The following CDH24 variants were observed in gnomAD, a reference collection of about 807,000 sequenced individuals.
The protein encoded by CDH24 is cadherin 24, also known as cadherin-24.
In CDH24, 61 loss-of-function variants were observed where a neutral mutation model predicts 71.2. The ratio of observed to expected loss-of-function variants is 0.86; its 90% confidence interval spans 0.70 to 1.06. The LOEUF (loss-of-function observed/expected upper bound fraction) is 1.06, where lower values mean the gene tolerates loss of function less well. Ranked by LOEUF, CDH24 falls within the 50% of genes least tolerant of loss-of-function variation. The pLI, the probability that CDH24 is intolerant of heterozygous loss-of-function variation, is 0.00. For synonymous variants in CDH24, 440 were observed against 470.2 expected, an observed-to-expected ratio of 0.94 and a Z score of 0.83; for missense variants, 961 against 1,083.7, an observed-to-expected ratio of 0.89 and a Z score of 1.59.
rs1417830536 is a variant in CDH24, at chr14:23,051,783, G to A, written c.1363+690C>T. Among the ~76,000 whole-genome samples the A allele has an allele frequency of 6.6e-6, 1 of 152,222 alleles. No homozygotes were observed. Among genetic ancestry groups the A allele is most frequent in the Non-Finnish European group, 1.5e-5 (1 of 68,034 alleles). On this transcript the variant is annotated intron_variant, in intron 8 of 12. Coordinates refer to ENST00000487137, the MANE Select transcript of CDH24 (RefSeq NM_144985.4). The surrounding 1 kb of genome is among the most constrained non-coding windows in gnomAD (Gnocchi z 4.4). The stretch of plus-strand genomic sequence containing the variant: ...ATATGCAGTATGAAGACAAAAGGGT[G>A]GAGGAGCCCCTGAGGCATAAGCAGG...
At position 23,054,151 on chromosome 14, in the gene CDH24, G is replaced by T. The variant is rs1413716429; in HGVS notation, c.962C>A (p.Thr321Asn). 5 of 1,598,620 alleles carry T rather than the reference G, an allele frequency of 3.1e-6. No individual in the cohort carries two copies. In the African/African-American group the frequency reaches 6.7e-5, roughly 21 times the overall value. The part of the protein sequence containing the change: ...TDLQGRDGLL[T>N]VRKPLDFESQ... ...AGGCAGGAGGCTAACCTTGCGGACA[G>T]TGAGGAGCCCGTCTCGACCCTGCAA... Residue 321 changes from threonine to asparagine, a missense_variant, in exon 6 of 13, where the codon ACT (threonine) becomes AAT (asparagine). This residue lies in a region of CDH24 where 671 missense variants were observed against 810.9 expected (regional missense o/e 0.83). Transcript: ENST00000487137. The surrounding 1 kb of genome is among the most constrained non-coding windows in gnomAD (Gnocchi z 5.2).
In CDH24 at chr14:23,054,746, C is replaced by T. The variant is rs748582659; in HGVS notation, c.616+1G>A. On this transcript the variant is annotated splice_donor_variant, in intron 4 of 12. Transcript: ENST00000487137. LOFTEE classifies it high-confidence loss of function. This position sits in a 1 kb window ranked among gnomAD's most constrained non-coding sequence, Gnocchi z 5.2. ...ACCGGGCTCCCAGGCTCCATCCTCACCAGTCTGGGGGTCCACAGAGAAGAA... is the reference window on the plus strand; with the variant it reads ...ACCGGGCTCCCAGGCTCCATCCTCATCAGTCTGGGGGTCCACAGAGAAGAA... The T allele has an allele frequency of 6.2e-7, 1 of 1,614,142 alleles. No homozygotes were observed. Among genetic ancestry groups the T allele is most frequent in the Non-Finnish European group, 8.5e-7 (1 of 1,180,018 alleles).
intron 8 of CDH24, among the ~76,000 whole-genome samples, chr14:23,050,426 A>G (rs1283534901): frequency 6.6e-6 from 1 of 152,114 alleles, no homozygotes; most frequent in East Asian, 1.9e-4. Context: ...CCCAGTGCCC[A>G]TAGAATGCAT....
In CDH24 at chr14:23,054,156, G is replaced by A. The variant is rs1594726294; in HGVS notation, c.957C>T (p.Leu319=). Residue 319 remains leucine (L), a synonymous_variant, in exon 6 of 13, where the codon CTC becomes CTT. Coordinates refer to ENST00000487137, the MANE Select transcript of CDH24 (RefSeq NM_144985.4). This position sits in a 1 kb window ranked among gnomAD's most constrained non-coding sequence, Gnocchi z 5.2. ...ISTDLQGRDG[L]LTVRKPLDFE... ...GGAGGCTAACCTTGCGGACAGTGAG[G>A]AGCCCGTCTCGACCCTGCAAGTCTG... The A allele has an allele frequency of 6.2e-7, 1 of 1,601,080 alleles. No individual in the cohort carries two copies. The highest frequency in any genetic ancestry group is 8.5e-7 in the Non-Finnish European group (1 of 1,172,394).
intron 1 of CDH24, among the ~76,000 whole-genome samples, chr14:23,056,997 T>G (rs1409189199): frequency 1.4e-5 from 2 of 145,792 alleles, no homozygotes; most frequent in Non-Finnish European, 3.0e-5. Context: ...AGGAAGGGGA[T>G]AGAGGAGTGG....
At position 23,055,585 on chromosome 14, in the gene CDH24, T is replaced by A. The variant is rs1350639551; in HGVS notation, c.149A>T (p.Gln50Leu). The A allele has an allele frequency of 1.2e-6, 2 of 1,613,902 alleles. No homozygotes were observed. Among genetic ancestry groups the A allele is most frequent in the African/African-American group, 2.7e-5 (2 of 74,892 alleles). Residue 50 changes from glutamine to leucine, a missense_variant, in exon 2 of 13, where the codon CAG becomes CTG. Physicochemically the swap from Gln to Leu is moderately radical, Grantham distance 113. Around this residue, in one of 2 missense-constraint regions of CDH24, gnomAD observed 671 missense variants for 810.9 expected, o/e 0.83. Transcript: ENST00000487137. The surrounding 1 kb of genome is among the most constrained non-coding windows in gnomAD (Gnocchi z 4.1). ...AGCATATTCCTCAATGACAAAGAACTGGTTCCAGACCCAGCTCCTTCGAGT... is the reference window on the plus strand; with the variant it reads ...AGCATATTCCTCAATGACAAAGAACAGGTTCCAGACCCAGCTCCTTCGAGT... ...LRTRRSWVWNQFFVIEEYAGP... is the reference protein window; with the variant it reads ...LRTRRSWVWNLFFVIEEYAGP...
rs1184593579 is a variant in CDH24, at chr14:23,051,282, C to T, written c.1363+1191G>A. Among the ~76,000 whole-genome samples the T allele has an allele frequency of 2.0e-5, 3 of 152,192 alleles. No homozygotes were observed. Among genetic ancestry groups the T allele is most frequent in the South Asian group, 4.1e-4 (2 of 4,834 alleles). Reference sequence around the variant, plus strand: ...CTCAGACTCTGCACACTGACTGGATCTCACAGCTCCACCACTTAATCTCTA... The same window carrying T: ...CTCAGACTCTGCACACTGACTGGATTTCACAGCTCCACCACTTAATCTCTA... On this transcript the variant is annotated intron_variant, in intron 8 of 12. Coordinates refer to ENST00000487137, the MANE Select transcript of CDH24 (RefSeq NM_144985.4). The surrounding 1 kb of genome is among the most constrained non-coding windows in gnomAD (Gnocchi z 4.4).
At chr14:23,056,124 G>A (rs1471882087) in intron 1 of CDH24, among the ~76,000 whole-genome samples, 3 of 152,206 alleles carry the variant, frequency 2.0e-5, no homozygotes, top group Admixed American at 2.0e-4. Context: ...GGGAGGGCTT[G>A]GAATCCCAAA....
Position 23,054,842 on chromosome 14 carries a change from G to A in CDH24, c.521C>T (p.Ala174Val), listed in dbSNP as rs762740999. Residue 174 changes from alanine (A) to valine (V), a missense_variant, in exon 4 of 13, where the codon GCT becomes GTT. Physicochemically the swap from Ala to Val is moderately conservative, Grantham distance 64. Transcript: ENST00000487137. This position sits in a 1 kb window ranked among gnomAD's most constrained non-coding sequence, Gnocchi z 5.2. ...NVGTSVIQVT[A>V]HDADDPSYGN... ...ATAGCTGGGGTCATCAGCATCGTGA[G>A]CAGTCACCTGGATCACTGATGTCCC... 10 of 1,613,534 alleles carry A rather than the reference G, an allele frequency of 6.2e-6. No individual in the cohort carries two copies. The Admixed American group carries it at 1.0e-4, about 16-fold the overall frequency.
chr14:23,054,313 G>C lies in CDH24; in HGVS notation c.800C>G (p.Ser267Cys). 6.2e-7 allele frequency: 1 copy of C among 1,605,058 alleles called. No individual in the cohort carries two copies. Among genetic ancestry groups the C allele is most frequent in the East Asian group, 2.2e-5 (1 of 44,728 alleles). ...GCCAGGTCCAGCTGTCTCCACCACG[G>C]AGAACTGGTATAGGCCTTGGGATGA... is the stretch of plus-strand genomic sequence containing the variant. ...PKFPQSLYQF[S>C]VVETAGPGTL... Residue 267 changes from serine (S) to cysteine (C), a missense_variant, in exon 6 of 13, where the codon TCC (serine) becomes TGC (cysteine). By Grantham distance (112) the Ser-to-Cys change is moderately radical (BLOSUM62 -1). Transcript: ENST00000487137. The surrounding 1 kb of genome is among the most constrained non-coding windows in gnomAD (Gnocchi z 5.2).
rs2047056028 is a variant in CDH24, at chr14:23,048,158, T to G, written c.2168A>C (p.Asp723Ala). Reference sequence around the variant, plus strand: ...CTCGTAGCCGTACACCTGCACCGAGTCGTACGGGGGTACGCCGGGGTCCTC... The same window carrying G: ...CTCGTAGCCGTACACCTGCACCGAGGCGTACGGGGGTACGCCGGGGTCCTC... ...ADEDPGVPPY[D>A]SVQVYGYEGR... Residue 723 changes from aspartate (D) to alanine (A), a missense_variant, in exon 12 of 13, where the codon GAC becomes GCC. Around this residue, in one of 2 missense-constraint regions of CDH24, gnomAD observed 290 missense variants for 272.8 expected, o/e 1.06. Transcript: ENST00000487137. The G allele has an allele frequency of 2.9e-6, 4 of 1,371,134 alleles. No individual in the cohort carries two copies. The highest frequency in any genetic ancestry group is 2.7e-4 in the Middle Eastern group (1 of 3,734). The allele number at this position is 1,371,134 out of a possible 1,614,324, so 84.9% of individuals were successfully genotyped here.
intron 8 of CDH24, among the ~76,000 whole-genome samples, chr14:23,050,477 C>G (rs1367315726): frequency 1.4e-5 from 2 of 147,158 alleles, no homozygotes; most frequent in African/African-American, 5.1e-5. Flanking sequence ...GTGGGGTGGA[C>G]AGACACATAT....
At position 23,047,226 on chromosome 14, in the gene CDH24, A is replaced by G. The variant is rs3197716; in HGVS notation, c.*668T>C. On this transcript the variant is annotated 3_prime_UTR_variant, in exon 13 of 13. Transcript: ENST00000487137. ...GGGCTGGGATGCCCAGGGGAAGCTGACAGCTGGGCAGAGCTCCAGGGAGGC... is the reference window on the plus strand; with the variant it reads ...GGGCTGGGATGCCCAGGGGAAGCTGGCAGCTGGGCAGAGCTCCAGGGAGGC... 67,525 of 152,172 alleles carry G rather than the reference A, an allele frequency of 0.44. 15,801 individuals carry two copies. The highest frequency in any genetic ancestry group is 0.59 in the African/African-American group (24,302 of 41,498). The allele number at this position is 152,172 out of a possible 1,614,324, so 9.4% of individuals were successfully genotyped here. A position where few individuals can be genotyped will look rare whatever the true frequency, so the allele number is the denominator to read the frequency against.
intron 7 of CDH24, among the ~76,000 whole-genome samples, chr14:23,053,100 C>CT (rs2047096931): frequency 6.6e-6 from 1 of 152,104 alleles, no homozygotes; most frequent in Non-Finnish European, 1.5e-5. Context: ...TGTGTGACCA[C>CT]TTATGGCTGG....
intron 8 of CDH24, chr14:23,050,145 A>T (rs1940584274): frequency 1.5e-6 from 1 of 654,564 alleles, no homozygotes; most frequent in African/African-American, 1.8e-5. Context: ...TTCATGTAGT[A>T]CCCAAGATAT....
intron 8 of CDH24, 166 bp from the exon 9 acceptor site, chr14:23,050,109 T>C (rs1282931579): frequency 1.2e-5 from 11 of 918,526 alleles, no homozygotes; most frequent in African/African-American, 1.7e-5. Context: ...GCAGAATGAA[T>C]GGAACAATAC....
intron 1 of CDH24, among the ~76,000 whole-genome samples, chr14:23,056,352 T>A (rs2047129766): frequency 6.6e-6 from 1 of 152,068 alleles, no homozygotes; most frequent in African/African-American, 2.4e-5. Flanking sequence ...CCAGGCCCTG[T>A]CTCCAGCCCA....
chr14:23,047,384 C>G lies in CDH24; in HGVS notation c.*520-10G>C. The G allele has an allele frequency of 6.6e-6, 1 of 152,652 alleles. No individual in the cohort carries two copies. Among genetic ancestry groups the G allele is most frequent in the East Asian group, 1.9e-4 (1 of 5,206 alleles). The allele number at this position is 152,652 out of a possible 1,614,324, so 9.5% of individuals were successfully genotyped here. On this transcript the variant is annotated splice_polypyrimidine_tract_variant and intron_variant, in intron 12 of 12. Coordinates refer to ENST00000487137, the MANE Select transcript of CDH24 (RefSeq NM_144985.4). ...AACCATGCAGGCAGGTCTGTAAGGA[C>G]AGGGGAGCCACGTTAGAGGCAGTGG...
rs1222494305 is a variant in CDH24 at position 23,049,018 on chromosome 14, C to G, written c.1846+9G>C. The G allele has an allele frequency of 1.3e-5, 21 of 1,610,336 alleles. No individual in the cohort carries two copies. In the Admixed American group the frequency reaches 3.5e-4, roughly 27 times the overall value. On this transcript the variant is annotated intron_variant, in intron 11 of 12. Transcript: ENST00000487137. ...TCGCACAGCTATGTACCACTGTGGC[C>G]TGACTCACCAAGCAGGGCACCCACA...
Sources: gnomAD v4.1 joint callset for allele counts (sites outside exome capture counted in the v4.1 genomes callset) on GRCh38, gnomAD v4.1.1 for gene constraint, gnomAD v4.1.1 regional missense constraint, Gnocchi (gnomAD v3.1) non-coding constraint, MANE v1.5 for transcripts, NCBI Gene and HGNC (gene_info 2026-07-23, HGNC 2026-07-21) for gene names.